FBXO11: variants seen among roughly 807,000 people sequenced by gnomAD.
FBXO11 encodes F-box protein 11, also known as F-box only protein 11.
FBXO11 carries 13 observed loss-of-function variants against 117.0 expected under a neutral mutation model. The ratio of observed to expected loss-of-function variants is 0.11; its 90% CI spans 0.07 to 0.18. The LOEUF (loss-of-function observed/expected upper bound fraction) is 0.18, where lower values mean the gene tolerates loss of function less well. FBXO11 is among the 10% of genes least tolerant of loss of function. The probability of loss-of-function intolerance (pLI) is 1.00; values close to 1 mark genes in which losing one functional copy is unlikely to be tolerated. For missense variants in FBXO11, 767 were observed against 1,164.4 expected (o/e 0.66, Z 4.97); for synonymous variants, 490 against 380.5 (o/e 1.29, Z -3.35).
chr2:47,901,159 A>ATACATATATATGTATATATATGTGGG (rs1273105693), intron 1 of FBXO11, among the ~76,000 whole-genome samples: 4 of 122,038 alleles, frequency 3.3e-5, no homozygotes, highest in South Asian at 2.3e-4. Context: ...GTGTACATAT[A>ATACATATATATGTATATATATGTGGG]TACATATATA....
At chr2:47,863,055 C>CAAAAAA (rs763187950) in intron 1 of FBXO11, among the ~76,000 whole-genome samples, 4 of 73,962 alleles carry the variant, frequency 5.4e-5, no homozygotes, top group African/African-American at 2.0e-4. Context: ...AACTGTGTCT[C>CAAAAAA]AAAAAAAAAA....
intron 1 of FBXO11, among the ~76,000 whole-genome samples, chr2:47,896,526 C>T (rs545281469): frequency 3.9e-5 from 6 of 152,126 alleles, no homozygotes; most frequent in South Asian, 4.2e-4. Flanking sequence ...GACGGGGTTT[C>T]GCCATGTTGC....
intron 18 of FBXO11, chr2:47,812,745 G>A (rs1670713553): frequency 5.1e-6 from 1 of 196,460 alleles, no homozygotes; most frequent in Admixed American, 5.5e-5. Context: ...CAGGCACTAT[G>A]GAACTTTTGC....
intron 1 of FBXO11, among the ~76,000 whole-genome samples, chr2:47,881,259 G>C (rs573920085): frequency 2.8e-4 from 42 of 152,062 alleles, no homozygotes; most frequent in African/African-American, 9.2e-4. Context: ...CTCAAAAAAA[G>C]AAAGAAACAA....
intron 12 of FBXO11, among the ~76,000 whole-genome samples, chr2:47,822,504 T>A (rs1671463027): frequency 6.6e-6 from 1 of 152,174 alleles, no homozygotes; most frequent in South Asian, 2.1e-4. Flanking sequence ...TCTTAAAAAT[T>A]CCCCTCAAAA....
intron 18 of FBXO11, among the ~76,000 whole-genome samples, chr2:47,811,840 CA>C: frequency 6.6e-6 from 1 of 152,316 alleles, no homozygotes; most frequent in South Asian, 2.1e-4. Context: ...ACTCCAGACT[CA>C]AGTGATACTC....
chr2:47,881,857 C>T lies in FBXO11; in HGVS notation c.232+23632G>A, dbSNP rs1346517559. On this transcript the variant is annotated intron_variant, in intron 1 of 22. Coordinates refer to ENST00000403359, the MANE Select transcript of FBXO11 (RefSeq NM_001190274.2). The stretch of plus-strand genomic sequence containing the variant: ...CTACCTCCCAGGTTCAAGTGATTCT[C>T]GTGCCTCAGCCTCCCAAGTAGCTGG... 3.9e-5 allele frequency among the ~76,000 whole-genome samples: 6 copies of T among 152,190 alleles called. No individual in the cohort carries two copies. The South Asian group carries it at 6.2e-4, about 16-fold the overall frequency.
At chr2:47,839,090 T>A in intron 3 of FBXO11, 87 bp from the exon 4 acceptor site, 1 of 1,380,048 alleles carries the variant, frequency 7.2e-7, no homozygotes, top group Non-Finnish European at 9.8e-7. Flanking sequence ...ATCTAATGAA[T>A]AGCTTTTTTT....
intron 1 of FBXO11, among the ~76,000 whole-genome samples, chr2:47,842,375 A>G (rs1673082298): frequency 1.3e-5 from 2 of 152,212 alleles, no homozygotes; most frequent in Non-Finnish European, 2.9e-5. Flanking sequence ...GCAAAGTTCT[A>G]GTTCTTGCCT....
intron 11 of FBXO11, among the ~76,000 whole-genome samples, chr2:47,830,096 C>G (rs1672069733): frequency 6.6e-6 from 1 of 152,016 alleles, no homozygotes; most frequent in South Asian, 2.1e-4. Context: ...AGAAAGATAG[C>G]TAAGTTTCTA....
rs764710246 is a variant in FBXO11, at chr2:47,809,273, TAAAAG to T, written c.2447-12_2447-8del. ...TTGTTCATTATTTTGTTATCTGTAA[TAAAAG>T]AAAGAATAAGTAAAAATTCAGAGGA... On this transcript the variant is annotated splice_polypyrimidine_tract_variant and splice_region_variant and intron_variant, in intron 20 of 22. Transcript: ENST00000403359. The T allele has an allele frequency of 1.6e-4, 236 of 1,497,336 alleles. No homozygotes were observed. Among genetic ancestry groups the T allele is most frequent in the Non-Finnish European group, 2.0e-4 (221 of 1,088,230 alleles). The allele number at this position is 1,497,336 out of a possible 1,614,324, so 92.8% of individuals were successfully genotyped here.
At chr2:47,877,478 A>G (rs1001748319) in intron 1 of FBXO11, among the ~76,000 whole-genome samples, 7 of 152,152 alleles carry the variant, frequency 4.6e-5, no homozygotes, top group Admixed American at 1.3e-4. Context: ...CACAGAAAAC[A>G]TTCTCTTTTC....
intron 1 of FBXO11, chr2:47,905,273 G>A: frequency 3.2e-6 from 1 of 310,480 alleles, no homozygotes; most frequent in Non-Finnish European, 5.5e-6. Context: ...CGGCCTGAGC[G>A]AGAGCCCAGG....
At chr2:47,889,224 TCTTC>T (rs1158526367) in intron 1 of FBXO11, among the ~76,000 whole-genome samples, 4 of 152,224 alleles carry the variant, frequency 2.6e-5, no homozygotes, top group Non-Finnish European at 5.9e-5. Context: ...ATGTTGCTTT[TCTTC>T]CTTCTTCAGC....
At chr2:47,822,613 G>A (rs1366446763) in intron 12 of FBXO11, among the ~76,000 whole-genome samples, 5 of 152,114 alleles carry the variant, frequency 3.3e-5, no homozygotes, top group African/African-American at 1.2e-4. Context: ...AAAGCCAATG[G>A]AAAATAAAAT....
chr2:47,875,272 T>G (rs1675914910), intron 1 of FBXO11, among the ~76,000 whole-genome samples: 1 of 152,176 alleles, frequency 6.6e-6, no homozygotes, highest in South Asian at 2.1e-4. Flanking sequence ...TTAATTATTT[T>G]AAATATACAT....
At chr2:47,839,383 A>G (rs764290101) in intron 3 of FBXO11, 36 bp downstream of exon 3, 6 of 1,564,828 alleles carry the variant, frequency 3.8e-6, no homozygotes, top group Admixed American at 2.0e-5. Context: ...AAAAAAAATT[A>G]TTTTACCCTA....
intron 1 of FBXO11, among the ~76,000 whole-genome samples, chr2:47,894,612 T>C (rs1413881620): frequency 6.6e-6 from 1 of 152,154 alleles, no homozygotes; most frequent in African/African-American, 2.4e-5. Context: ...CTACAATCTT[T>C]GAGGGGAAAT....
At chr2:47,834,365 G>T (rs1245109720) in intron 7 of FBXO11, among the ~76,000 whole-genome samples, 1 of 151,504 alleles carries the variant, frequency 6.6e-6, no homozygotes, top group African/African-American at 2.4e-5. Context: ...AACAAAAAAG[G>T]TTGGGGGGGG....
Sources: allele counts gnomAD v4.1 joint callset (sites outside exome capture counted in the v4.1 genomes callset), GRCh38; gene constraint gnomAD v4.1.1; transcripts MANE v1.5; gene names NCBI Gene and HGNC (gene_info 2026-07-23, HGNC 2026-07-21).